Variants in IQSEC1 observed in about 807,000 individuals in gnomAD.
The protein encoded by IQSEC1 is IQ motif and SEC7 domain-containing protein 1.
Under a neutral mutation model 91.0 loss-of-function variants are expected in IQSEC1, and 31 were observed. The observed-to-expected ratio is 0.34, with a 90% CI of 0.26 to 0.46. IQSEC1 has a LOEUF of 0.46. IQSEC1 is among the 20% of genes least tolerant of loss of function. The pLI, the probability that IQSEC1 is intolerant of heterozygous loss-of-function variation, is 1.00. For missense variants in IQSEC1, 1,388 were observed against 1,575.6 expected, an observed-to-expected ratio of 0.88 and a Z score of 2.02; for synonymous variants, 699 against 662.6, an observed-to-expected ratio of 1.05 and a Z score of -0.84.
intron 1 of IQSEC1, among the ~76,000 whole-genome samples, chr3:13,232,580 G>A (rs1694856477): frequency 6.6e-6 from 1 of 152,220 alleles, no homozygotes; most frequent in Admixed American, 6.5e-5. Flanking sequence ...GCAGGTCTGG[G>A]GAGAGAGGGC....
intron 1 of IQSEC1, among the ~76,000 whole-genome samples, chr3:12,954,725 T>C (rs1009076965): frequency 6.6e-6 from 1 of 152,226 alleles, no homozygotes; most frequent in African/African-American, 2.4e-5. Flanking sequence ...AGTGCCTAAA[T>C]AGGGCTGGGC....
intron 1 of IQSEC1, among the ~76,000 whole-genome samples, chr3:12,976,908 C>T (rs985213798): frequency 6.6e-6 from 1 of 150,668 alleles, no homozygotes; most frequent in African/African-American, 2.5e-5. Flanking sequence ...TCCCTGCACC[C>T]CACCCCTCTT....
chr3:13,059,145 AAGG>A (rs1407540778), intron 1 of IQSEC1, among the ~76,000 whole-genome samples: 18 of 152,058 alleles, frequency 1.2e-4, no homozygotes, highest in Admixed American at 1.2e-3. Flanking sequence ...CTCCAGACAC[AAGG>A]AGCTCAATGC....
intron 2 of IQSEC1, among the ~76,000 whole-genome samples, chr3:13,105,344 A>C (rs1278111750): frequency 6.6e-6 from 1 of 152,158 alleles, no homozygotes; most frequent in East Asian, 1.9e-4. Flanking sequence ...CCTGGAGTCC[A>C]GGGTCCTGGC....
rs114126639 is a variant in IQSEC1, at chr3:13,113,630, C to T, written c.302+50474G>A. 2.8e-3 allele frequency among the ~76,000 whole-genome samples: 433 copies of T among 152,270 alleles called. 1 individual carries two copies. Among genetic ancestry groups the T allele is most frequent in the African/African-American group, 9.8e-3 (407 of 41,550 alleles). On this transcript the variant is annotated intron_variant, in intron 2 of 15. Transcript: ENST00000648114. Reference sequence around the variant, plus strand: ...ACCCTCTGGGAGGGGAGGAGAAGTGCATGCGGCGGTGGGAATGTGAGGCAG... The same window carrying T: ...ACCCTCTGGGAGGGGAGGAGAAGTGTATGCGGCGGTGGGAATGTGAGGCAG...
intron 1 of IQSEC1, among the ~76,000 whole-genome samples, chr3:13,197,440 T>C (rs1197188213): frequency 6.6e-6 from 1 of 152,110 alleles, no homozygotes; most frequent in African/African-American, 2.4e-5. Context: ...GGCCCCATCC[T>C]GAAGTGTCCC....
intron 2 of IQSEC1, among the ~76,000 whole-genome samples, chr3:13,136,095 G>C (rs796694840): frequency 1.2e-4 from 19 of 152,358 alleles, no homozygotes; most frequent in African/African-American, 4.6e-4. Context: ...ATGCACTCCA[G>C]TGAGTGCCAT....
At chr3:13,114,457 T>C (rs1003373471) in intron 2 of IQSEC1, among the ~76,000 whole-genome samples, 1 of 152,134 alleles carries the variant, frequency 6.6e-6, no homozygotes, top group African/African-American at 2.4e-5. Flanking sequence ...ATTTATTGTG[T>C]TGTTATTTCA....
In IQSEC1 at chr3:13,267,818, C is replaced by T. The variant is rs187433154; in HGVS notation, c.272+14893G>A. Among the ~76,000 whole-genome samples, 54 of 152,090 alleles carry T rather than the reference C, an allele frequency of 3.6e-4. 1 individual carries two copies. Among genetic ancestry groups the T allele is most frequent in the Admixed American group, 3.1e-3 (47 of 15,280 alleles). ...ATTTTTAGTAGAGACGGGGTTTCAC[C>T]GTGTTAGCCAGGATGGTCTCGATCT... On this transcript the variant is annotated intron_variant, in intron 1 of 15. Coordinates refer to the IQSEC1 transcript ENST00000648114.
chr3:13,232,019 T>C (rs1183050786), intron 1 of IQSEC1, among the ~76,000 whole-genome samples: 1 of 152,222 alleles, frequency 6.6e-6, no homozygotes, highest in Non-Finnish European at 1.5e-5. Flanking sequence ...CCCAACCTAG[T>C]GCACTGACGT....
chr3:13,198,544 G>A (rs1322324665), intron 1 of IQSEC1, among the ~76,000 whole-genome samples: 1 of 152,150 alleles, frequency 6.6e-6, no homozygotes, highest in Non-Finnish European at 1.5e-5. Context: ...ACCACCAAGA[G>A]TCCTGTGCAT....
chr3:13,271,560 C>T (rs357156), intron 1 of IQSEC1, among the ~76,000 whole-genome samples: 85,663 of 151,892 alleles, frequency 0.56, 25,844 homozygotes, highest in East Asian at 0.94. Flanking sequence ...CTTTGGGAGG[C>T]CAAGGTGGAA....
At chr3:13,019,053 G>A (rs748855916) in intron 1 of IQSEC1, among the ~76,000 whole-genome samples, 19 of 152,142 alleles carry the variant, frequency 1.2e-4, no homozygotes, top group Admixed American at 7.2e-4. Context: ...CAAGAAGCCC[G>A]CCCAGCTGGC....
At chr3:13,073,484 C>G (rs1414410021), upstream of IQSEC1, among the ~76,000 whole-genome samples, 1 of 152,130 alleles carries the variant, frequency 6.6e-6, no homozygotes, top group Non-Finnish European at 1.5e-5. Flanking sequence ...CAAGGAGCAA[C>G]GTAGTGCGGC....
intron 2 of IQSEC1, among the ~76,000 whole-genome samples, chr3:13,130,083 C>T (rs532870313): frequency 1.7e-4 from 25 of 151,392 alleles, no homozygotes; most frequent in South Asian, 2.1e-4. Flanking sequence ...CAGTGGCTCA[C>T]GCCTATAATC....
intron 2 of IQSEC1, among the ~76,000 whole-genome samples, chr3:13,156,419 A>G (rs2124971347): frequency 6.6e-6 from 1 of 152,328 alleles, no homozygotes; most frequent in African/African-American, 2.4e-5. Flanking sequence ...CATTTTTGTC[A>G]TTTGGGCTCA....
chr3:13,255,917 G>A (rs1222001734), intron 1 of IQSEC1, among the ~76,000 whole-genome samples: 1 of 152,186 alleles, frequency 6.6e-6, no homozygotes, highest in Non-Finnish European at 1.5e-5. Flanking sequence ...AATGGGTGAT[G>A]TCCAGAGATA....
At chr3:13,255,231 C>T (rs984919903) in intron 1 of IQSEC1, among the ~76,000 whole-genome samples, 61 of 152,332 alleles carry the variant, frequency 4.0e-4, no homozygotes, top group African/African-American at 1.3e-3. Context: ...TGCCTCTCTC[C>T]CCTAAAAGAG....
chr3:13,268,777 A>AAT (rs1241704569), intron 1 of IQSEC1, among the ~76,000 whole-genome samples: 1 of 152,100 alleles, frequency 6.6e-6, no homozygotes, highest in East Asian at 1.9e-4. Context: ...ATTCATTCAA[A>AAT]ATATGTCATT....
Sources: gnomAD v4.1 joint callset for allele counts (sites outside exome capture counted in the v4.1 genomes callset) on GRCh38, gnomAD v4.1.1 for gene constraint, MANE v1.5 for transcripts, NCBI Gene and HGNC (gene_info 2026-07-23, HGNC 2026-07-21) for gene names.